RPL3L: variants seen among roughly 807,000 people sequenced by gnomAD.
The protein encoded by RPL3L is ribosomal protein L3 like.
Under a neutral mutation model 44.5 loss-of-function variants are expected in RPL3L, and 44 were observed. The ratio of observed to expected loss-of-function variants is 0.99; its 90% CI spans 0.78 to 1.27. The LOEUF is 1.27. RPL3L is among the 50% of genes most tolerant of loss of function. RPL3L has a pLI of 0.00. For synonymous variants in RPL3L, 292 were observed against 230.7 expected (o/e 1.27, Z -2.41); for missense variants, 631 against 569.1 (o/e 1.11, Z -1.11).
At chr16:1,953,154 G>A in intron 2 of RPL3L, 112 bp from the exon 3 acceptor site, 1 of 1,122,690 alleles carries the variant, frequency 8.9e-7, no homozygotes, top group African/African-American at 1.6e-5. Context: ...GGCCAGCCAG[G>A]ACAGCATTCC....
intron 9 of RPL3L, 133 bp downstream of exon 9, chr16:1,945,362 AAAAT>A (rs1423440074): frequency 8.2e-6 from 7 of 853,446 alleles, no homozygotes; most frequent in South Asian, 4.4e-5. Flanking sequence ...CTCAAAAAAT[AAAAT>A]AAATAAAAAA....
At position 1,954,062 on chromosome 16, in the gene RPL3L, C is replaced by T; in HGVS notation, c.90G>A (p.Lys30=). ...KRSHRHRGKV[K]TWPRDDPSQP... ...GGCTGGGGTCATCCCGCGGCCACGTCTTCACCTTGCCCCGGTGCCGGTGGC... is the reference window on the plus strand; with the variant it reads ...GGCTGGGGTCATCCCGCGGCCACGTTTTCACCTTGCCCCGGTGCCGGTGGC... The change falls in exon 2 of 10, where the codon AAG becomes AAA. Residue 30 remains lysine, a synonymous_variant. Coordinates refer to ENST00000268661, the MANE Select transcript of RPL3L (RefSeq NM_005061.3). 1 of 1,606,576 alleles carries T rather than the reference C, an allele frequency of 6.2e-7. No homozygotes were observed. Among genetic ancestry groups the T allele is most frequent in the Non-Finnish European group, 8.5e-7 (1 of 1,177,380 alleles).
rs1241441338 is a variant in RPL3L at position 1,952,897 on chromosome 16, G to C, written c.342C>G (p.Cys114Trp). 6.2e-7 allele frequency: 1 copy of C among 1,613,896 alleles called. No homozygotes were observed. The highest frequency in any genetic ancestry group is 1.7e-5 in the Admixed American group (1 of 60,022). ...ACCAGTCCTTGTAGAATCGGCGCCG[G>C]CACTCATCACTGAGGTGTTCTGCAA... ...TIFAEHLSDE[C>W]RRRFYKDWHK... The change falls in exon 3 of 10, where the codon TGC becomes TGG. Residue 114 changes from cysteine (C) to tryptophan (W), a missense_variant. Physicochemically the swap from Cys to Trp is radical, Grantham distance 215 (BLOSUM62 -2). Transcript: ENST00000268661.
At chr16:1,949,344 C>T (rs2150863566) in intron 4 of RPL3L, among the ~76,000 whole-genome samples, 1 of 144,728 alleles carries the variant, frequency 6.9e-6, no homozygotes, top group Admixed American at 7.1e-5. Context: ...ACCTCCACCT[C>T]CCAGTTTCAA....
In RPL3L at chr16:1,946,737, G is replaced by A. The variant is rs888050438; in HGVS notation, c.850-11C>T. 24 of 1,611,730 alleles carry A rather than the reference G, an allele frequency of 1.5e-5. No homozygotes were observed. The highest frequency in any genetic ancestry group is 2.0e-5 in the Non-Finnish European group (24 of 1,179,726). ...GCCGATGCGGAAGATCTGCCAGAAG[G>A]GGGCACATGCCAGGGGCAGGAAGTG... On this transcript the variant is annotated splice_polypyrimidine_tract_variant and intron_variant, in intron 6 of 9. Coordinates refer to ENST00000268661, the MANE Select transcript of RPL3L (RefSeq NM_005061.3).
At position 1,944,682 on chromosome 16, in the gene RPL3L, T is replaced by C. The variant is rs2083106824; in HGVS notation, c.*155A>G. 1 of 826,396 alleles carries C rather than the reference T, an allele frequency of 1.2e-6. No individual in the cohort carries two copies. Among genetic ancestry groups the C allele is most frequent in the Non-Finnish European group, 2.0e-6 (1 of 492,820 alleles). 51.2% of individuals were successfully genotyped at this position (826,396 alleles called of 1,614,324 possible). A position where few individuals can be genotyped will look rare whatever the true frequency, so the allele number is the denominator to read the frequency against. On this transcript the variant is annotated 3_prime_UTR_variant, in exon 10 of 10. Coordinates refer to ENST00000268661, the MANE Select transcript of RPL3L (RefSeq NM_005061.3). ...CTTTCTCTATTGCAATTCCCCTGTC[T>C]TAATGAATCGGCTTTGTCTAGGCAG...
intron 4 of RPL3L, among the ~76,000 whole-genome samples, chr16:1,948,026 C>T (rs77973686): frequency 0.61 from 91,134 of 148,474 alleles, 28,790 homozygotes; most frequent in East Asian, 0.79. Context: ...CAAGCTCTGC[C>T]TCCCGGGTTC....
At chr16:1,946,199 C>G (rs532010770) in intron 7 of RPL3L, among the ~76,000 whole-genome samples, 36 of 152,336 alleles carry the variant, frequency 2.4e-4, no homozygotes, top group African/African-American at 8.2e-4. Context: ...CTTGCTCCAG[C>G]CTCTACAGCT....
chr16:1,951,987 C>T lies in RPL3L; in HGVS notation c.365+887G>A, dbSNP rs767613533. On this transcript the variant is annotated intron_variant, in intron 3 of 9. Coordinates refer to ENST00000268661, the MANE Select transcript of RPL3L (RefSeq NM_005061.3). ...GTTTTTTGACAGGGTCTCACTCTGT[C>T]GCTCACACTGGAGTGCAGCGGCACA... Among the ~76,000 whole-genome samples the T allele has an allele frequency of 1.3e-4, 19 of 151,922 alleles. 1 individual carries two copies. The highest frequency in any genetic ancestry group is 5.9e-4 in the Admixed American group (9 of 15,234).
intron 2 of RPL3L, 123 bp downstream of exon 2, chr16:1,953,833 G>T (rs746908240): frequency 2.9e-6 from 3 of 1,030,118 alleles, no homozygotes; most frequent in South Asian, 2.8e-5. Context: ...CCCAATTCCC[G>T]GGGGCGAGGC....
intron 8 of RPL3L, 45 bp from the exon 9 acceptor site, chr16:1,945,663 C>G (rs1189135457): frequency 6.2e-7 from 1 of 1,612,246 alleles, no homozygotes; most frequent in Admixed American, 1.7e-5. Context: ...GGGGATCCCC[C>G]ACACCCTGCT....
chr16:1,947,734 C>A (rs879640425), intron 4 of RPL3L, among the ~76,000 whole-genome samples: 24 of 152,088 alleles, frequency 1.6e-4, no homozygotes, highest in African/African-American at 5.1e-4. Flanking sequence ...CAAGTAGGAG[C>A]CACGAGGCAA....
chr16:1,953,731 G>T (rs1361626528), intron 2 of RPL3L, among the ~76,000 whole-genome samples: 1 of 152,230 alleles, frequency 6.6e-6, no homozygotes, highest in Non-Finnish European at 1.5e-5. Context: ...ACTGGACCAG[G>T]TTCCTCACTG....
rs969204844 is a variant in RPL3L, at chr16:1,946,805, G to A, written c.850-79C>T. 12 of 1,584,890 alleles carry A rather than the reference G, an allele frequency of 7.6e-6. No homozygotes were observed. The African/African-American group carries it at 9.4e-5, about 12-fold the overall frequency. On this transcript the variant is annotated intron_variant, in intron 6 of 9. Transcript: ENST00000268661. ...CCCATCCAGGCCCATCCGCCCACAT[G>A]CTCAGACTCAGTGCTGGTGGGGGCA... is the stretch of plus-strand genomic sequence containing the variant.
At chr16:1,950,765 A>G in intron 4 of RPL3L, 79 bp downstream of exon 4, 1 of 1,605,240 alleles carries the variant, frequency 6.2e-7, no homozygotes, top group African/African-American at 1.3e-5. Flanking sequence ...TTAGGCTGAC[A>G]TTTGCCACAG....
chr16:1,949,726 AGTATGTACG>A (rs1567310597), intron 4 of RPL3L, among the ~76,000 whole-genome samples: 12 of 85,340 alleles, frequency 1.4e-4, no homozygotes, highest in African/African-American at 2.8e-4. Context: ...TGGACGGGGC[AGTATGTACG>A]GGGCAGGTAT....
intron 7 of RPL3L, 128 bp downstream of exon 7, chr16:1,946,497 C>T: frequency 5.2e-6 from 5 of 953,120 alleles, no homozygotes; most frequent in Non-Finnish European, 6.3e-6. Flanking sequence ...GCCCTTGGGG[C>T]AGGGAGCGTC....
chr16:1,953,868 C>T, intron 2 of RPL3L, 88 bp downstream of exon 2: 1 of 1,318,656 alleles, frequency 7.6e-7, no homozygotes, highest in South Asian at 1.8e-5. Flanking sequence ...GACTGTGGCC[C>T]TGTCTGGACC....
At position 1,945,953 on chromosome 16, in the gene RPL3L, G is replaced by A. The variant is rs193118233; in HGVS notation, c.952-23C>T. 22 of 1,586,062 alleles carry A rather than the reference G, an allele frequency of 1.4e-5. No homozygotes were observed. In the African/African-American group the frequency reaches 2.8e-4, roughly 20 times the overall value. On this transcript the variant is annotated intron_variant, in intron 7 of 9. Coordinates refer to ENST00000268661, the MANE Select transcript of RPL3L (RefSeq NM_005061.3). ...ACCCTGCAGAGGACACAGGTCAGAG[G>A]CCAGGCCCGGAAAGGGCTTCTGAGT... is the stretch of plus-strand genomic sequence containing the variant.
Sources: gnomAD v4.1 joint callset for allele counts (sites outside exome capture counted in the v4.1 genomes callset) on GRCh38, gnomAD v4.1.1 for gene constraint, MANE v1.5 for transcripts, NCBI Gene and HGNC (gene_info 2026-07-23, HGNC 2026-07-21) for gene names.